Variants in GPM6A observed in about 807,000 individuals in gnomAD.
GPM6A encodes neuronal membrane glycoprotein M6-a.
A neutral mutation model predicts 32.1 loss-of-function variants in GPM6A; 7 were observed. The ratio of observed to expected loss-of-function variants is 0.22; its 90% CI spans 0.12 to 0.41. The LOEUF (loss-of-function observed/expected upper bound fraction) is 0.41, where lower values mean the gene tolerates loss of function less well. Ranked by LOEUF, GPM6A falls within the 10% of genes least tolerant of loss-of-function variation. GPM6A has a pLI of 1.00. For synonymous variants in GPM6A, 130 were observed against 123.4 expected (o/e 1.05, Z -0.35); for missense variants, 235 against 347.2 (o/e 0.68, Z 2.57).
At chr4:175,946,198 T>C (rs1211225753) in intron 1 of GPM6A, among the ~76,000 whole-genome samples, 1 of 152,202 alleles carries the variant, frequency 6.6e-6, no homozygotes, top group East Asian at 1.9e-4. Context: ...ATGAGGAAGT[T>C]AAATTATTTC....
chr4:175,739,136 T>A (rs1731781788), intron 1 of GPM6A, among the ~76,000 whole-genome samples: 1 of 152,152 alleles, frequency 6.6e-6, no homozygotes, highest in African/African-American at 2.4e-5. Context: ...TTTATTTTAG[T>A]TTTCATCTGA....
chr4:175,982,634 G>A (rs1241965221), intron 1 of GPM6A, among the ~76,000 whole-genome samples: 2 of 152,156 alleles, frequency 1.3e-5, no homozygotes, highest in African/African-American at 4.8e-5. Flanking sequence ...ATGCCACACA[G>A]TTTTGATTAT....
At chr4:175,916,007 C>A (rs548045800) in intron 1 of GPM6A, among the ~76,000 whole-genome samples, 1 of 152,312 alleles carries the variant, frequency 6.6e-6, no homozygotes, top group Non-Finnish European at 1.5e-5. Context: ...GTGTCATGCT[C>A]ACCATTCTCT....
intron 1 of GPM6A, among the ~76,000 whole-genome samples, chr4:175,859,409 G>A (rs780877549): frequency 6.6e-6 from 1 of 152,178 alleles, no homozygotes; most frequent in Admixed American, 6.6e-5. Context: ...AAAGGTAGAG[G>A]CAATGTAATC....
chr4:175,673,634 T>C (rs370065192), intron 3 of GPM6A, 46 bp downstream of exon 3: 2 of 1,406,486 alleles, frequency 1.4e-6, no homozygotes, highest in Non-Finnish European at 1.9e-6. Context: ...CTGTGTGCTA[T>C]TGAAATCAAT....
chr4:175,663,935 G>A (rs966510803), intron 3 of GPM6A, among the ~76,000 whole-genome samples: 3 of 152,024 alleles, frequency 2.0e-5, no homozygotes, highest in Non-Finnish European at 4.4e-5. Context: ...CTTGTGATCC[G>A]CCCACCTCAG....
At chr4:175,890,998 C>A (rs1040082928) in intron 1 of GPM6A, among the ~76,000 whole-genome samples, 2 of 152,078 alleles carry the variant, frequency 1.3e-5, no homozygotes, top group Non-Finnish European at 2.9e-5. Flanking sequence ...TAAATATATG[C>A]AAAAAGCAGC....
chr4:175,958,619 CTG>C (rs1337416206), intron 1 of GPM6A, among the ~76,000 whole-genome samples: 3 of 152,178 alleles, frequency 2.0e-5, no homozygotes, highest in Non-Finnish European at 4.4e-5. Flanking sequence ...CTAGAGGTCT[CTG>C]GAGAATGCTT....
chr4:175,808,251 C>T, intron 1 of GPM6A, among the ~76,000 whole-genome samples: 1 of 152,106 alleles, frequency 6.6e-6, no homozygotes, highest in South Asian at 2.1e-4. Flanking sequence ...ATTAAATATA[C>T]TTTATATTAA....
chr4:175,834,229 C>T (rs944532404), intron 1 of GPM6A, among the ~76,000 whole-genome samples: 1 of 152,116 alleles, frequency 6.6e-6, no homozygotes, highest in Non-Finnish European at 1.5e-5. Context: ...ATAGAATGTC[C>T]CTACGCCTCA....
intron 1 of GPM6A, chr4:175,971,741 G>A (rs1416060147): frequency 6.6e-6 from 1 of 152,206 alleles, no homozygotes; most frequent in Admixed American, 6.5e-5. Flanking sequence ...TTGAAATAAA[G>A]TGTTTCATAT....
intron 1 of GPM6A, among the ~76,000 whole-genome samples, chr4:175,755,739 T>C (rs1251091303): frequency 6.6e-6 from 1 of 152,156 alleles, no homozygotes; most frequent in Non-Finnish European, 1.5e-5. Flanking sequence ...GTGTTGTAGG[T>C]AATTATGTAG....
At chr4:175,969,957 A>G (rs1233918385) in intron 1 of GPM6A, among the ~76,000 whole-genome samples, 1 of 152,244 alleles carries the variant, frequency 6.6e-6, no homozygotes, top group Non-Finnish European at 1.5e-5. Context: ...AGTAATTATT[A>G]AGCACAAAAA....
At chr4:175,643,572 T>TA (rs200706516) in intron 4 of GPM6A, among the ~76,000 whole-genome samples, 36 of 150,330 alleles carry the variant, frequency 2.4e-4, no homozygotes, top group Admixed American at 1.8e-3. Flanking sequence ...TCTACATCAT[T>TA]AAAAAAAAAT....
intron 2 of GPM6A, among the ~76,000 whole-genome samples, chr4:175,679,675 C>G (rs1032805635): frequency 2.0e-5 from 3 of 152,114 alleles, no homozygotes; most frequent in Non-Finnish European, 2.9e-5. Context: ...AAGAGCCCAC[C>G]CTTTTCCCCC....
Position 175,711,457 on chromosome 4 carries a change from T to TATATAC in GPM6A, c.38-9691_38-9690insGTATAT, listed in dbSNP as rs1303046650. On this transcript the variant is annotated intron_variant, in intron 1 of 6. Transcript: ENST00000393658. Reference sequence around the variant, plus strand: ...ATATATATATATATATATATATATATACACACACATACATACATGTATATA... The same window carrying TATATAC: ...ATATATATATATATATATATATATATATATACACACACACATACATACATGTATATA... Among the ~76,000 whole-genome samples the TATATAC allele has an allele frequency of 2.9e-3, 82 of 27,896 alleles. 1 individual carries two copies. Among genetic ancestry groups the TATATAC allele is most frequent in the Admixed American group, 0.012 (20 of 1,652 alleles). 18.3% of individuals were successfully genotyped at this position (27,896 alleles called of 152,430 possible).
At chr4:175,980,784 C>A (rs1030092709) in intron 1 of GPM6A, among the ~76,000 whole-genome samples, 3 of 152,128 alleles carry the variant, frequency 2.0e-5, no homozygotes, top group Non-Finnish European at 4.4e-5. Context: ...AGTTAGGAAT[C>A]CTAAGGCTTC....
chr4:175,688,813 C>T (rs979248814), intron 2 of GPM6A, among the ~76,000 whole-genome samples: 1 of 152,044 alleles, frequency 6.6e-6, no homozygotes, highest in African/African-American at 2.4e-5. Context: ...TATATACATA[C>T]ATATCAAACT....
At chr4:175,932,008 T>C (rs1739063220) in intron 1 of GPM6A, among the ~76,000 whole-genome samples, 1 of 149,128 alleles carries the variant, frequency 6.7e-6, no homozygotes, top group East Asian at 2.0e-4. Context: ...AGGAGCCCAA[T>C]CACTTGAACC....
Sources: gnomAD v4.1 joint callset for allele counts (sites outside exome capture counted in the v4.1 genomes callset) on GRCh38, gnomAD v4.1.1 for gene constraint, MANE v1.5 for transcripts, NCBI Gene and HGNC (gene_info 2026-07-23, HGNC 2026-07-21) for gene names.